Variants in SLC9D1 observed in about 807,000 individuals in gnomAD.
The protein encoded by SLC9D1 is solute carrier family 9 member D1, also known as putative LAG1-interacting protein.
chr13:113,495,885 G>T, the SLC9D1 span: 4 of 1,614,198 alleles, frequency 2.5e-6, no homozygotes, highest in Non-Finnish European at 2.5e-6. Context: ...TTTCCAGAAA[G>T]AGCTGAATGA....
chr13:113,511,006 G>A, the SLC9D1 span, among the ~76,000 whole-genome samples: 97 of 105,344 alleles, frequency 9.2e-4, no homozygotes, highest in Middle Eastern at 6.5e-3. Flanking sequence ...TCACTCGGAA[G>A]CCTAGGCAGG....
chr13:113,506,919 C>G, the SLC9D1 span, among the ~76,000 whole-genome samples: 1 of 152,090 alleles, frequency 6.6e-6, no homozygotes, highest in African/African-American at 2.4e-5. Context: ...TTCTGAAGTG[C>G]CTGCTTGGTG....
At chr13:113,509,712 G>A in the SLC9D1 span, among the ~76,000 whole-genome samples, 44 of 152,330 alleles carry the variant, frequency 2.9e-4, no homozygotes, top group African/African-American at 9.6e-4. Flanking sequence ...TTTGGTTGAT[G>A]TATCGTATTT....
the SLC9D1 span, among the ~76,000 whole-genome samples, chr13:113,537,995 GTGTGTACATGTGTGTGCTTTGTGGCA>G: frequency 0.014 from 1,693 of 122,584 alleles, 32 homozygotes; most frequent in African/African-American, 0.063. Context: ...GCTTTGTGGT[GTGTGTACATGTGTGTGCTTTGTGGCA>G]TGTGTACATG....
the SLC9D1 span, among the ~76,000 whole-genome samples, chr13:113,539,917 G>A: frequency 6.6e-6 from 1 of 152,108 alleles, no homozygotes; most frequent in Non-Finnish European, 1.5e-5. This position sits in a 1 kb window ranked among gnomAD's most constrained non-coding sequence, Gnocchi z 4.8. Context: ...TCCCGTCTTT[G>A]TGTCCACGTG....
the SLC9D1 span, among the ~76,000 whole-genome samples, chr13:113,508,885 C>T: frequency 2.0e-5 from 3 of 152,280 alleles, no homozygotes; most frequent in Non-Finnish European, 4.4e-5. Flanking sequence ...CTCACATGCT[C>T]CAAAGCACCC....
At chr13:113,519,943 C>T in the SLC9D1 span, among the ~76,000 whole-genome samples, 2 of 152,208 alleles carry the variant, frequency 1.3e-5, no homozygotes, top group African/African-American at 4.8e-5. Flanking sequence ...TGGAGTAGCT[C>T]AGGGAAGCTG....
the SLC9D1 span, among the ~76,000 whole-genome samples, chr13:113,507,957 T>G: frequency 6.6e-6 from 1 of 152,228 alleles, no homozygotes; most frequent in Non-Finnish European, 1.5e-5. Flanking sequence ...GGCAGCCATC[T>G]GGGGGGCTTG....
the SLC9D1 span, among the ~76,000 whole-genome samples, chr13:113,513,443 G>C: frequency 1.3e-5 from 2 of 152,192 alleles, no homozygotes; most frequent in African/African-American, 4.8e-5. Flanking sequence ...GTTAGAAAAG[G>C]AGATGTTTGA....
chr13:113,521,457 AG>A, the SLC9D1 span, among the ~76,000 whole-genome samples: 1 of 127,008 alleles, frequency 7.9e-6, no homozygotes, highest in Non-Finnish European at 1.6e-5. Context: ...GTATGTCTGT[AG>A]GGGGGTATCC....
the SLC9D1 span, among the ~76,000 whole-genome samples, chr13:113,536,820 A>G: frequency 6.6e-6 from 1 of 152,200 alleles, no homozygotes; most frequent in South Asian, 2.1e-4. Context: ...TGATGAGCCT[A>G]GTAGAGTGCC....
chr13:113,535,292 C>T, the SLC9D1 span: 2 of 152,214 alleles, frequency 1.3e-5, no homozygotes, highest in Admixed American at 6.5e-5. The surrounding 1 kb of genome is among the most constrained non-coding windows in gnomAD (Gnocchi z 4.1). Flanking sequence ...GGAAAGTGGG[C>T]TTCTGCTTAC....
the SLC9D1 span, among the ~76,000 whole-genome samples, chr13:113,537,609 T>C: frequency 1.3e-5 from 2 of 152,258 alleles, no homozygotes; most frequent in East Asian, 3.8e-4. Flanking sequence ...AATTTCAGCA[T>C]CATCGCTTAT....
chr13:113,535,980 C>G, the SLC9D1 span, among the ~76,000 whole-genome samples: 5 of 152,220 alleles, frequency 3.3e-5, no homozygotes, highest in African/African-American at 1.2e-4. This position sits in a 1 kb window ranked among gnomAD's most constrained non-coding sequence, Gnocchi z 4.1. Context: ...TGAGTGGGAT[C>G]TTGTGCTGTA....
At chr13:113,521,207 G>A in the SLC9D1 span, among the ~76,000 whole-genome samples, 4 of 151,054 alleles carry the variant, frequency 2.6e-5, no homozygotes, top group East Asian at 2.0e-4. Flanking sequence ...TATGTGTGGC[G>A]CACCTGTGGT....
At chr13:113,498,837 T>C in the SLC9D1 span, among the ~76,000 whole-genome samples, 1 of 152,180 alleles carries the variant, frequency 6.6e-6, no homozygotes, top group African/African-American at 2.4e-5. Context: ...TTAATGCTGA[T>C]CTACTGGGGT....
the SLC9D1 span, among the ~76,000 whole-genome samples, chr13:113,541,435 G>A: frequency 1.3e-4 from 18 of 143,890 alleles, 1 homozygote; most frequent in African/African-American, 4.7e-4. Context: ...TAATACCGCC[G>A]AGATATGTGG....
chr13:113,515,327 G>A, the SLC9D1 span, among the ~76,000 whole-genome samples: 28 of 152,300 alleles, frequency 1.8e-4, no homozygotes, highest in African/African-American at 6.5e-4. Context: ...AAAGATAGAA[G>A]ATGTGGAATG....
At chr13:113,520,757 T>C in the SLC9D1 span, 1 of 1,526,098 alleles carries the variant, frequency 6.6e-7, no homozygotes, top group Non-Finnish European at 9.1e-7. Flanking sequence ...GTACGCAATT[T>C]GTTTTTATAG....
Sources: allele counts gnomAD v4.1 joint callset (sites outside exome capture counted in the v4.1 genomes callset), GRCh38; gene constraint gnomAD v4.1.1; non-coding constraint Gnocchi (gnomAD v3.1); transcripts MANE v1.5; gene names NCBI Gene and HGNC (gene_info 2026-07-23, HGNC 2026-07-21).